The following SHISA9 variants were observed in gnomAD, a reference collection of about 807,000 sequenced individuals.
SHISA9 encodes the protein shisa family member 9, also known as protein shisa-9.
SHISA9 carries 13 observed loss-of-function variants against 38.0 expected under a neutral mutation model. The observed-to-expected ratio is 0.34, with a 90% CI of 0.22 to 0.54. The LOEUF is 0.54. Among genes scored for constraint, SHISA9 ranks in the 20% least tolerant of loss-of-function variants. SHISA9 has a pLI of 0.91. For missense variants in SHISA9, 538 were observed against 575.8 expected (o/e 0.93, Z 0.67); for synonymous variants, 275 against 242.0 (o/e 1.14, Z -1.27).
chr16:13,466,463 C>G, the SHISA9 span, among the ~76,000 whole-genome samples: 51,937 of 152,062 alleles, frequency 0.34, 9,163 homozygotes, highest in African/African-American at 0.43. Context: ...AAATGGCCCA[C>G]ACTCTTTAGG....
intron 2 of SHISA9, among the ~76,000 whole-genome samples, chr16:13,002,264 T>G (rs1224338230): frequency 1.3e-5 from 2 of 152,180 alleles, no homozygotes; most frequent in African/African-American, 4.8e-5. Context: ...GAGACAGGCT[T>G]GTAAACACCA....
At chr16:13,542,399 G>A in the SHISA9 span, among the ~76,000 whole-genome samples, 1 of 152,174 alleles carries the variant, frequency 6.6e-6, no homozygotes, top group Non-Finnish European at 1.5e-5. Context: ...GGAATCATCA[G>A]GAAGCTCCTG....
At chr16:13,074,311 A>T (rs766125161) in intron 2 of SHISA9, among the ~76,000 whole-genome samples, 2 of 151,996 alleles carry the variant, frequency 1.3e-5, no homozygotes, top group Admixed American at 6.6e-5. Flanking sequence ...GAAATTTGTT[A>T]TGGTTGCCAC....
the SHISA9 span, among the ~76,000 whole-genome samples, chr16:13,548,203 A>C: frequency 6.6e-6 from 1 of 152,208 alleles, no homozygotes; most frequent in Non-Finnish European, 1.5e-5. Context: ...CCATATAAAA[A>C]AGTCAACTCA....
chr16:13,329,835 A>G, the SHISA9 span, among the ~76,000 whole-genome samples: 1 of 152,210 alleles, frequency 6.6e-6, no homozygotes, highest in Non-Finnish European at 1.5e-5. Context: ...GTTCGGGTTC[A>G]ATTTCTTGAC....
intron 2 of SHISA9, among the ~76,000 whole-genome samples, chr16:13,176,797 A>C (rs2050735273): frequency 6.6e-6 from 1 of 152,154 alleles, no homozygotes. Context: ...GCCGAAGCTC[A>C]AGACAGATAA....
the SHISA9 span, among the ~76,000 whole-genome samples, chr16:13,338,179 C>T: frequency 9.8e-5 from 15 of 152,300 alleles, no homozygotes; most frequent in Admixed American, 7.2e-4. Flanking sequence ...AGAAACAGAG[C>T]TGAGGGATGG....
rs1264849320 is a variant in SHISA9, at chr16:13,105,130, A to G, written c.692-98264A>G. Among the ~76,000 whole-genome samples the G allele has an allele frequency of 3.3e-5, 5 of 152,374 alleles. No homozygotes were observed. In the East Asian group the frequency reaches 7.7e-4, roughly 23 times the overall value. ...AAACTTAATATTGATATACTATTAT[A>G]CGCTCAATAAAAGTTAATTTCTGTT... On this transcript the variant is annotated intron_variant, in intron 2 of 4. Coordinates refer to ENST00000558583, the MANE Select transcript of SHISA9 (RefSeq NM_001145204.3).
At chr16:13,203,668 T>TC in intron 3 of SHISA9, 119 bp downstream of exon 3, 1 of 1,126,082 alleles carries the variant, frequency 8.9e-7, no homozygotes, top group South Asian at 2.1e-5. Context: ...TCTCTTTTTT[T>TC]CTCTTTCTGC....
In SHISA9 at chr16:13,216,184, CAAA is replaced by C. The variant is rs929173872; in HGVS notation, c.895+2904_895+2906del. On this transcript the variant is annotated intron_variant, in intron 4 of 4. Transcript: ENST00000558583. ...CCTGGGCGGCAGAGCGAGACTCTGTCAAAAAAAAAAAAAAAAAAAAAAGAGAGA... is the reference window on the plus strand; with the variant it reads ...CCTGGGCGGCAGAGCGAGACTCTGTCAAAAAAAAAAAAAAAAAAAGAGAGA... 8.6e-4 allele frequency among the ~76,000 whole-genome samples: 97 copies of C among 113,018 alleles called. 2 individuals are homozygous for C. In the Middle Eastern group the frequency reaches 0.015, roughly 18 times the overall value. The allele number at this position is 113,018 out of a possible 152,430, so 74.1% of individuals were successfully genotyped here. A position where few individuals can be genotyped will look rare whatever the true frequency, so the allele number is the denominator to read the frequency against.
At chr16:12,980,453 T>C (rs989920685) in intron 2 of SHISA9, among the ~76,000 whole-genome samples, 2 of 152,210 alleles carry the variant, frequency 1.3e-5, no homozygotes, top group Non-Finnish European at 2.9e-5. Flanking sequence ...TGAAAAATTC[T>C]GACATCAAGA....
chr16:13,270,355 T>G, the SHISA9 span, among the ~76,000 whole-genome samples: 1 of 152,104 alleles, frequency 6.6e-6, no homozygotes, highest in African/African-American at 2.4e-5. Flanking sequence ...CCTGGGCACC[T>G]CCACTGGAAT....
the SHISA9 span, among the ~76,000 whole-genome samples, chr16:13,411,004 A>C: frequency 6.6e-6 from 1 of 152,232 alleles, no homozygotes; most frequent in Non-Finnish European, 1.5e-5. Context: ...AAGCTGGTAG[A>C]GTACTGGGTA....
intron 2 of SHISA9, among the ~76,000 whole-genome samples, chr16:13,123,434 G>C (rs186394368): frequency 1.4e-3 from 216 of 152,314 alleles, no homozygotes; most frequent in Non-Finnish European, 2.4e-3. Flanking sequence ...AATGGTGCCT[G>C]TTAAGGATAT....
the SHISA9 span, among the ~76,000 whole-genome samples, chr16:13,383,950 C>A: frequency 2.6e-5 from 4 of 152,062 alleles, no homozygotes; most frequent in African/African-American, 9.7e-5. Flanking sequence ...CCACCGTGCC[C>A]GGCCAACACC....
chr16:12,979,288 T>C (rs967157569), intron 2 of SHISA9, among the ~76,000 whole-genome samples: 6 of 151,996 alleles, frequency 3.9e-5, no homozygotes, highest in African/African-American at 1.5e-4. Context: ...CAAGACACTG[T>C]GCCTGGTGCT....
chr16:13,495,367 T>C, the SHISA9 span, among the ~76,000 whole-genome samples: 1 of 152,132 alleles, frequency 6.6e-6, no homozygotes. Flanking sequence ...TTAAACTCTA[T>C]GTCGTATTTT....
At chr16:13,213,411 T>C in intron 4 of SHISA9, 111 bp downstream of exon 4, 1 of 994,194 alleles carries the variant, frequency 1.0e-6, no homozygotes, top group Middle Eastern at 2.1e-4. Flanking sequence ...CATGTGTGTC[T>C]GCATAGGGTG....
chr16:12,999,639 A>G (rs929789144), intron 2 of SHISA9, among the ~76,000 whole-genome samples: 2 of 152,216 alleles, frequency 1.3e-5, no homozygotes, highest in African/African-American at 4.8e-5. Context: ...AGCAGGTTGC[A>G]TGGGGCCTGA....
Sources: gnomAD v4.1 joint callset for allele counts (sites outside exome capture counted in the v4.1 genomes callset) on GRCh38, gnomAD v4.1.1 for gene constraint, MANE v1.5 for transcripts, NCBI Gene and HGNC (gene_info 2026-07-23, HGNC 2026-07-21) for gene names.